The following ZNF804B variants were observed in gnomAD, a reference collection of about 807,000 sequenced individuals.
ZNF804B encodes the protein zinc finger 804B.
Under a neutral mutation model 101.4 loss-of-function variants are expected in ZNF804B, and 80 were observed. The observed-to-expected ratio is 0.79, with a 90% CI of 0.66 to 0.95. The LOEUF is 0.95. Among genes scored for constraint, ZNF804B ranks in the 40% least tolerant of loss-of-function variants. ZNF804B has a pLI of 0.00. For synonymous variants in ZNF804B, 622 were observed against 558.8 expected (o/e 1.11, Z -1.59); for missense variants, 1,673 against 1,561.9 (o/e 1.07, Z -1.20).
chr7:89,333,494 A>C lies in ZNF804B; in HGVS notation c.512A>C (p.Lys171Thr). Residue 171 changes from lysine to threonine, a missense_variant, in exon 4 of 4, where the codon AAA becomes ACA. Coordinates refer to ENST00000333190, the MANE Select transcript of ZNF804B (RefSeq NM_181646.5). Reference protein sequence around the residue: ...CMKSALLLKGKNLPRIISDKQ... With the variant: ...CMKSALLLKGTNLPRIISDKQ... ...AAGAGTGCTCTTCTCCTTAAAGGAAAAAATCTCCCCAGAATCATATCCGAT... is the reference window on the plus strand; with the variant it reads ...AAGAGTGCTCTTCTCCTTAAAGGAACAAATCTCCCCAGAATCATATCCGAT... The C allele has an allele frequency of 6.2e-7, 1 of 1,613,444 alleles. No individual in the cohort carries two copies. Among genetic ancestry groups the C allele is most frequent in the South Asian group, 1.1e-5 (1 of 91,064 alleles).
chr7:88,850,055 T>A (rs1267118979), intron 1 of ZNF804B, among the ~76,000 whole-genome samples: 1 of 152,172 alleles, frequency 6.6e-6, no homozygotes, highest in Non-Finnish European at 1.5e-5. Context: ...AGGAAGAAAT[T>A]CTATATCAGA....
intron 1 of ZNF804B, among the ~76,000 whole-genome samples, chr7:88,828,375 A>G (rs1791078801): frequency 6.6e-6 from 1 of 151,932 alleles, no homozygotes. Context: ...TCTATGATTC[A>G]GTGTATTTTT....
At chr7:89,220,025 A>T (rs76742277) in intron 2 of ZNF804B, among the ~76,000 whole-genome samples, 7 of 80,780 alleles carry the variant, frequency 8.7e-5, no homozygotes, top group South Asian at 3.2e-4. Context: ...GTGTATACAT[A>T]TATATACGCA....
At chr7:88,817,180 A>C (rs535498973) in intron 1 of ZNF804B, among the ~76,000 whole-genome samples, 8 of 152,290 alleles carry the variant, frequency 5.3e-5, no homozygotes, top group Middle Eastern at 3.4e-3. Context: ...GAACTGAACA[A>C]TGAGAACACA....
At chr7:88,774,548 C>G (rs1395619414) in intron 1 of ZNF804B, among the ~76,000 whole-genome samples, 1 of 152,092 alleles carries the variant, frequency 6.6e-6, no homozygotes, top group Non-Finnish European at 1.5e-5. Flanking sequence ...GTGGTCAATG[C>G]CAGACATTTC....
At chr7:89,133,022 A>G (rs1437012391) in intron 1 of ZNF804B, among the ~76,000 whole-genome samples, 2 of 152,078 alleles carry the variant, frequency 1.3e-5, no homozygotes, top group African/African-American at 2.4e-5. Flanking sequence ...TATCTGCTGC[A>G]TTATAATGCC....
At chr7:88,983,000 G>T (rs1161978489) in intron 1 of ZNF804B, among the ~76,000 whole-genome samples, 1 of 152,046 alleles carries the variant, frequency 6.6e-6, no homozygotes, top group African/African-American at 2.4e-5. Context: ...TGCTATGGGA[G>T]AGGAAATGGG....
At chr7:89,008,895 G>A (rs1788411195) in intron 1 of ZNF804B, among the ~76,000 whole-genome samples, 1 of 152,000 alleles carries the variant, frequency 6.6e-6, no homozygotes, top group South Asian at 2.1e-4. Context: ...TTCCAGTGAT[G>A]TTTTCCTTGT....
chr7:89,195,973 AC>A (rs1788543898), intron 1 of ZNF804B, among the ~76,000 whole-genome samples: 2 of 152,162 alleles, frequency 1.3e-5, no homozygotes, highest in African/African-American at 4.8e-5. Context: ...AAATGGCCAT[AC>A]TGCCCAAAGT....
At chr7:88,824,662 T>C (rs1791029134) in intron 1 of ZNF804B, among the ~76,000 whole-genome samples, 2 of 152,154 alleles carry the variant, frequency 1.3e-5, no homozygotes, top group Non-Finnish European at 2.9e-5. Flanking sequence ...CTTCACTATC[T>C]CCCATAAGCT....
At chr7:89,321,004 A>G (rs945579777) in intron 2 of ZNF804B, among the ~76,000 whole-genome samples, 14 of 152,208 alleles carry the variant, frequency 9.2e-5, no homozygotes, top group African/African-American at 3.4e-4. Context: ...AGTTCCTTTA[A>G]AAGTATTCTT....
intron 1 of ZNF804B, among the ~76,000 whole-genome samples, chr7:88,821,330 G>T (rs1165909146): frequency 6.6e-6 from 1 of 152,120 alleles, no homozygotes; most frequent in Non-Finnish European, 1.5e-5. Context: ...TTAAATAAAA[G>T]AATTAAATGA....
chr7:89,089,057 C>CT (rs543879583), intron 1 of ZNF804B, among the ~76,000 whole-genome samples: 2,493 of 128,000 alleles, frequency 0.019, 45 homozygotes, highest in African/African-American at 0.057. Context: ...CTTTTTTTTT[C>CT]TTTTTTTTTT....
intron 2 of ZNF804B, among the ~76,000 whole-genome samples, chr7:89,271,145 A>C (rs1404797044): frequency 1.3e-5 from 2 of 152,154 alleles, no homozygotes; most frequent in African/African-American, 2.4e-5. Context: ...GTCTTGTGCC[A>C]GTTTTCAAAG....
intron 1 of ZNF804B, among the ~76,000 whole-genome samples, chr7:89,154,768 CA>C: frequency 6.6e-6 from 1 of 152,024 alleles, no homozygotes; most frequent in African/African-American, 2.4e-5. Flanking sequence ...GTGTACCAAA[CA>C]AATAGTAAGA....
At chr7:88,777,643 G>T (rs543787562) in intron 1 of ZNF804B, among the ~76,000 whole-genome samples, 1 of 152,000 alleles carries the variant, frequency 6.6e-6, no homozygotes, top group Non-Finnish European at 1.5e-5. Context: ...AGGAATTCGA[G>T]ATCAGCCTGG....
At position 89,132,541 on chromosome 7, in the gene ZNF804B, T is replaced by C. The variant is rs113990741; in HGVS notation, c.109-85614T>C. Among the ~76,000 whole-genome samples the C allele has an allele frequency of 9.3e-3, 1,416 of 152,148 alleles. 15 individuals carry two copies. Among genetic ancestry groups the C allele is most frequent in the African/African-American group, 0.032 (1,329 of 41,544 alleles). ...TGAGAGTCTCAGCTCCACTACCTAC[T>C]GCTGTGACCTTAGGTATTATGTCAT... is the stretch of plus-strand genomic sequence containing the variant. On this transcript the variant is annotated intron_variant, in intron 1 of 3. Transcript: ENST00000333190.
chr7:88,876,119 C>G (rs368925981), intron 1 of ZNF804B, among the ~76,000 whole-genome samples: 4 of 152,190 alleles, frequency 2.6e-5, no homozygotes, highest in South Asian at 2.1e-4. Flanking sequence ...TGCATTTTGG[C>G]TAATGAAATC....
chr7:89,242,080 A>AT (rs1379469716), intron 2 of ZNF804B, among the ~76,000 whole-genome samples: 1 of 151,832 alleles, frequency 6.6e-6, no homozygotes, highest in East Asian at 1.9e-4. Flanking sequence ...TTTAATATTT[A>AT]TTTCAATCAA....
Sources: gnomAD v4.1 joint callset for allele counts (sites outside exome capture counted in the v4.1 genomes callset) on GRCh38, gnomAD v4.1.1 for gene constraint, MANE v1.5 for transcripts, NCBI Gene and HGNC (gene_info 2026-07-23, HGNC 2026-07-21) for gene names.